FLVCR2: variants seen among roughly 807,000 people sequenced by gnomAD.
The protein encoded by FLVCR2 is FLVCR choline and putative heme transporter 2.
A neutral mutation model predicts 48.9 loss-of-function variants in FLVCR2; 38 were observed. The ratio of observed to expected loss-of-function variants is 0.78; its 90% confidence interval spans 0.60 to 1.02. The LOEUF (loss-of-function observed/expected upper bound fraction) is 1.02, where lower values mean the gene tolerates loss of function less well. Ranked by LOEUF, FLVCR2 falls within the 50% of genes least tolerant of loss-of-function variation. The pLI is 0.00. For missense variants in FLVCR2, 664 were observed against 663.3 expected (o/e 1.00, Z -0.01); for synonymous variants, 255 against 257.0 (o/e 0.99, Z 0.07).
At chr14:75,593,892 A>T (rs1287133933) in intron 1 of FLVCR2, among the ~76,000 whole-genome samples, 3 of 152,140 alleles carry the variant, frequency 2.0e-5, no homozygotes, top group African/African-American at 7.2e-5. Flanking sequence ...CAGCCTTCAG[A>T]TTTCCCAAAT....
At chr14:75,624,571 A>G in intron 2 of FLVCR2, 41 bp from the exon 3 acceptor site, 1 of 1,613,588 alleles carries the variant, frequency 6.2e-7, no homozygotes, top group Non-Finnish European at 8.5e-7. Context: ...CTGGGGTGGG[A>G]CCATGGGAAT....
intron 3 of FLVCR2, among the ~76,000 whole-genome samples, chr14:75,630,194 G>A (rs1251738625): frequency 6.6e-6 from 1 of 152,168 alleles, no homozygotes; most frequent in African/African-American, 2.4e-5. Flanking sequence ...TTGGGTTGGG[G>A]CCTAGGAATC....
At chr14:75,608,973 C>T (rs1804850653) in intron 1 of FLVCR2, among the ~76,000 whole-genome samples, 1 of 152,156 alleles carries the variant, frequency 6.6e-6, no homozygotes, top group Non-Finnish European at 1.5e-5. Flanking sequence ...GAATTGCATC[C>T]CCTCCAGCCA....
chr14:75,634,015 G>A (rs772859417), intron 4 of FLVCR2, among the ~76,000 whole-genome samples: 1 of 151,830 alleles, frequency 6.6e-6, no homozygotes, highest in African/African-American at 2.4e-5. Context: ...AATGACGCTT[G>A]TGTATGTATA....
At chr14:75,598,321 T>C (rs1889076438) in intron 1 of FLVCR2, among the ~76,000 whole-genome samples, 1 of 152,190 alleles carries the variant, frequency 6.6e-6, no homozygotes, top group Admixed American at 6.5e-5. Flanking sequence ...GGAGCCCTAA[T>C]GGGATATGAG....
At chr14:75,638,758 T>G (rs1400591417) in intron 5 of FLVCR2, among the ~76,000 whole-genome samples, 2 of 152,222 alleles carry the variant, frequency 1.3e-5, no homozygotes, top group Non-Finnish European at 2.9e-5. Flanking sequence ...GAGTGGGTTC[T>G]ACAGAAAGGG....
chr14:75,583,720 C>G (rs754522003), intron 1 of FLVCR2, among the ~76,000 whole-genome samples: 11 of 152,168 alleles, frequency 7.2e-5, no homozygotes, highest in Admixed American at 1.3e-4. Context: ...AAGTTGGCAC[C>G]AGAGCTGGGG....
In FLVCR2 at chr14:75,597,774, C is replaced by T. The variant is rs191819671; in HGVS notation, c.669+18133C>T. ...TAGTAGAGATAGGGTTTCACCATGT[C>T]GGCCAGGCTGGTCTTGAACTCGCGA... On this transcript the variant is annotated intron_variant, in intron 1 of 9. Transcript: ENST00000238667. Among the ~76,000 whole-genome samples, 35 of 152,050 alleles carry T rather than the reference C, an allele frequency of 2.3e-4. 1 individual carries two copies. The highest frequency in any genetic ancestry group is 7.4e-5 in the Non-Finnish European group (5 of 67,962).
intron 1 of FLVCR2, among the ~76,000 whole-genome samples, chr14:75,615,256 A>C (rs746840871): frequency 2.6e-5 from 4 of 152,202 alleles, no homozygotes; most frequent in Admixed American, 2.6e-4. Context: ...AGGACTTTGC[A>C]GAAGGGTTTG....
intron 1 of FLVCR2, among the ~76,000 whole-genome samples, chr14:75,605,126 T>C (rs975266631): frequency 6.6e-6 from 1 of 152,202 alleles, no homozygotes; most frequent in African/African-American, 2.4e-5. Context: ...CCAACAATGC[T>C]GTTAACAGGA....
At chr14:75,637,248 TGA>T (rs1225755305) in intron 5 of FLVCR2, among the ~76,000 whole-genome samples, 3 of 152,200 alleles carry the variant, frequency 2.0e-5, no homozygotes, top group African/African-American at 7.2e-5. Flanking sequence ...ATTGGTAAAA[TGA>T]GAAATCATCA....
At chr14:75,588,253 T>C (rs1888797697) in intron 1 of FLVCR2, among the ~76,000 whole-genome samples, 1 of 152,202 alleles carries the variant, frequency 6.6e-6, no homozygotes, top group Non-Finnish European at 1.5e-5. Context: ...GCGACCAGCA[T>C]CTGGTGATGG....
At chr14:75,596,339 C>T (rs529705643) in intron 1 of FLVCR2, 28 of 359,572 alleles carry the variant, frequency 7.8e-5, no homozygotes, top group African/African-American at 1.0e-4. Context: ...TAAAGGTAGA[C>T]GGGGTAGGTC....
At chr14:75,609,967 T>A (rs983202024) in intron 1 of FLVCR2, among the ~76,000 whole-genome samples, 1 of 152,188 alleles carries the variant, frequency 6.6e-6, no homozygotes, top group African/African-American at 2.4e-5. Context: ...GGCTGTTGAT[T>A]GCTGGTGTCT....
chr14:75,624,136 C>A (rs1889833299), intron 2 of FLVCR2, among the ~76,000 whole-genome samples: 5 of 151,772 alleles, frequency 3.3e-5, no homozygotes, highest in Admixed American at 3.3e-4. Context: ...CTGAGGCATG[C>A]AAATCGCTTG....
rs1323867978 is a variant in FLVCR2, at chr14:75,579,473, G to A, written c.501G>A (p.Val167=). 6.2e-7 allele frequency: 1 copy of A among 1,613,332 alleles called. No homozygotes were observed. Among genetic ancestry groups the A allele is most frequent in the East Asian group, 2.2e-5 (1 of 44,896 alleles). The change falls in exon 1 of 10, where the codon GTG becomes GTA. Residue 167 remains valine, a synonymous_variant. Coordinates refer to ENST00000238667, the MANE Select transcript of FLVCR2 (RefSeq NM_017791.3). ...GSALNCLGAW[V]KLGSLKPHLF... is the part of the protein sequence containing the mutation. ...CTCTCAACTGCCTGGGGGCCTGGGT[G>A]AAGCTGGGCAGCCTGAAGCCGCATC...
At chr14:75,586,683 A>G (rs969495806) in intron 1 of FLVCR2, among the ~76,000 whole-genome samples, 1 of 152,262 alleles carries the variant, frequency 6.6e-6, no homozygotes, top group Non-Finnish European at 1.5e-5. Flanking sequence ...CTGACCACAC[A>G]GATCACCATA....
At chr14:75,635,326 G>GA (rs913298961) in intron 5 of FLVCR2, among the ~76,000 whole-genome samples, 1 of 151,874 alleles carries the variant, frequency 6.6e-6, no homozygotes, top group Non-Finnish European at 1.5e-5. Context: ...AATGAATGGG[G>GA]AAAAAAAATC....
intron 1 of FLVCR2, among the ~76,000 whole-genome samples, chr14:75,598,096 C>T (rs1889070423): frequency 6.6e-6 from 1 of 151,996 alleles, no homozygotes; most frequent in African/African-American, 2.4e-5. Flanking sequence ...TCTCCCACCT[C>T]AGCCTTCCAC....
Sources: gnomAD v4.1 joint callset for allele counts (sites outside exome capture counted in the v4.1 genomes callset) on GRCh38, gnomAD v4.1.1 for gene constraint, MANE v1.5 for transcripts, NCBI Gene and HGNC (gene_info 2026-07-23, HGNC 2026-07-21) for gene names.